The following GRIA3 variants were observed in gnomAD, a reference collection of about 807,000 sequenced individuals.
GRIA3 encodes the protein glutamate ionotropic receptor AMPA type subunit 3, also known as glutamate receptor 3.
GRIA3 carries 3 observed loss-of-function variants against 63.0 expected under a neutral mutation model. That is an observed-to-expected ratio of 0.05 (90% CI 0.02 to 0.12). The LOEUF is 0.12. GRIA3 is among the 10% of genes least tolerant of loss of function. GRIA3 has a pLI of 1.00. For missense variants in GRIA3, 347 were observed against 700.9 expected, an observed-to-expected ratio of 0.50 and a Z score of 5.70; for synonymous variants, 274 against 257.9, an observed-to-expected ratio of 1.06 and a Z score of -0.60.
intron 2 of GRIA3, among the ~76,000 whole-genome samples, chrX:123,195,739 G>A (rs1223957401): frequency 8.9e-6 from 1 of 111,902 alleles, no homozygotes; most frequent in Non-Finnish European, 1.9e-5. Flanking sequence ...TAGGTTACTG[G>A]TTGAGGGAAG....
At chrX:123,228,048 G>T (rs910370005) in intron 2 of GRIA3, among the ~76,000 whole-genome samples, 1 of 112,044 alleles carries the variant, frequency 8.9e-6, no homozygotes, top group African/African-American at 3.2e-5. Context: ...GCAACTCTTA[G>T]GAAAAAATGC....
chrX:123,351,465 G>C (rs2045093669), intron 4 of GRIA3, among the ~76,000 whole-genome samples: 1 of 111,989 alleles, frequency 8.9e-6, no homozygotes, highest in South Asian at 3.8e-4. Flanking sequence ...TTGGGACTTT[G>C]AGCATTTCTT....
intron 4 of GRIA3, among the ~76,000 whole-genome samples, chrX:123,335,523 A>T (rs1471069300): frequency 4.5e-5 from 5 of 111,809 alleles, no homozygotes; most frequent in Admixed American, 1.9e-4. Context: ...CATATAGTAG[A>T]TTGCAATACA....
rs184827257 is a variant in GRIA3 at position 123,443,786 on chromosome X, C to T, written c.2076+15647C>T. ...GCATGGGAAAATAAGAGCCACAGAACCTGGAAAGAAGTAGGGACATAAGCA... is the reference window on the plus strand; with the variant it reads ...GCATGGGAAAATAAGAGCCACAGAATCTGGAAAGAAGTAGGGACATAAGCA... On this transcript the variant is annotated intron_variant, in intron 12 of 15. Transcript: ENST00000620443. 2.2e-4 allele frequency among the ~76,000 whole-genome samples: 25 copies of T among 111,121 alleles called. No individual in the cohort carries two copies. The East Asian group carries it at 7.1e-3, about 32-fold the overall frequency.
chrX:123,429,283 G>C (rs1269966381), intron 12 of GRIA3, among the ~76,000 whole-genome samples: 1 of 112,166 alleles, frequency 8.9e-6, no homozygotes, highest in African/African-American at 3.2e-5. Context: ...CAGTAAACCA[G>C]GAAGAGTACA....
Position 123,417,661 on chromosome X carries a change from A to T in GRIA3, c.1760A>T (p.Asn587Ile). 8 of 1,185,962 alleles carry T rather than the reference A, an allele frequency of 6.7e-6. No individual in the cohort carries two copies. Among genetic ancestry groups the T allele is most frequent in the Non-Finnish European group, 9.1e-6 (8 of 882,576 alleles). ...TATGAATGGCACTTGGAAGACAACAATGAAGAACCTCGTGACCCACAAAGT... is the reference window on the plus strand; with the variant it reads ...TATGAATGGCACTTGGAAGACAACATTGAAGAACCTCGTGACCCACAAAGT... ...SPYEWHLEDNNEEPRDPQSPP... is the reference protein window; with the variant it reads ...SPYEWHLEDNIEEPRDPQSPP... Residue 587 changes from asparagine to isoleucine, a missense_variant, in exon 11 of 16, where the codon AAT (asparagine) becomes ATT (isoleucine). Asn to Ile is a moderately radical substitution (Grantham distance 149, BLOSUM62 -3). Transcript: ENST00000620443.
intron 2 of GRIA3, among the ~76,000 whole-genome samples, chrX:123,225,599 G>C (rs2044242472): frequency 9.1e-6 from 1 of 110,156 alleles, no homozygotes; most frequent in African/African-American, 3.3e-5. Flanking sequence ...TACATGTTTT[G>C]AAGTGTACAT....
At chrX:123,308,143 G>A (rs1760050222) in intron 3 of GRIA3, among the ~76,000 whole-genome samples, 1 of 111,927 alleles carries the variant, frequency 8.9e-6, no homozygotes, top group African/African-American at 3.2e-5. Context: ...ACTGCAGCCT[G>A]GGCCTTTCCT....
intron 12 of GRIA3, among the ~76,000 whole-genome samples, chrX:123,454,186 T>C (rs1037074472): frequency 3.6e-5 from 4 of 110,649 alleles, no homozygotes; most frequent in African/African-American, 1.3e-4. Flanking sequence ...CCCTACCACA[T>C]GGCTTAACCT....
At chrX:123,237,226 C>G (rs1374400767) in intron 2 of GRIA3, among the ~76,000 whole-genome samples, 4 of 111,937 alleles carry the variant, frequency 3.6e-5, no homozygotes, top group African/African-American at 1.3e-4. Context: ...GACCACTAGT[C>G]TAGGGCAGAA....
chrX:123,354,368 G>A (rs1419164003), intron 4 of GRIA3, among the ~76,000 whole-genome samples: 9 of 111,960 alleles, frequency 8.0e-5, no homozygotes, highest in African/African-American at 2.6e-4. Flanking sequence ...ATGTACAAGC[G>A]ATTACAAGTC....
At chrX:123,196,559 T>C (rs1329824914) in intron 2 of GRIA3, among the ~76,000 whole-genome samples, 1 of 112,257 alleles carries the variant, frequency 8.9e-6, no homozygotes, top group Non-Finnish European at 1.9e-5. Context: ...AACATTCTAG[T>C]AGCAGGATTC....
chrX:123,184,831 C>T, intron 1 of GRIA3, 187 bp downstream of exon 1: 1 of 501,944 alleles, frequency 2.0e-6, no homozygotes, highest in Non-Finnish European at 3.6e-6. Flanking sequence ...AACGAGGTGG[C>T]TGGTCTGAAG....
At chrX:123,263,782 T>C (rs1246461147) in intron 3 of GRIA3, among the ~76,000 whole-genome samples, 1 of 112,663 alleles carries the variant, frequency 8.9e-6, no homozygotes, top group East Asian at 2.8e-4. Context: ...CAATTAATAG[T>C]GAGGTCGTTT....
At chrX:123,332,183 T>G (rs1423374735) in intron 4 of GRIA3, among the ~76,000 whole-genome samples, 3 of 109,885 alleles carry the variant, frequency 2.7e-5, no homozygotes, top group Non-Finnish European at 5.7e-5. Context: ...TTTTTTTTCC[T>G]GTGATATAAC....
At chrX:123,452,001 C>T (rs1173996211) in intron 12 of GRIA3, among the ~76,000 whole-genome samples, 1 of 111,675 alleles carries the variant, frequency 9.0e-6, no homozygotes, top group Non-Finnish European at 1.9e-5. Flanking sequence ...ATTGGTTTCA[C>T]AAGGTTGTTT....
At chrX:123,207,534 G>A (rs1197469218) in intron 2 of GRIA3, among the ~76,000 whole-genome samples, 2 of 111,661 alleles carry the variant, frequency 1.8e-5, no homozygotes, top group Non-Finnish European at 3.8e-5. Context: ...TGCTGAAAGG[G>A]CCACGAAATC....
chrX:123,322,024 T>C (rs2044871600), intron 3 of GRIA3, among the ~76,000 whole-genome samples: 1 of 111,276 alleles, frequency 9.0e-6, no homozygotes, highest in African/African-American at 3.3e-5. Context: ...GTCATAACCT[T>C]AAGCTGCAAC....
chrX:123,466,853 A>C (rs1274138249), intron 13 of GRIA3, among the ~76,000 whole-genome samples: 3 of 112,662 alleles, frequency 2.7e-5, no homozygotes, highest in African/African-American at 9.7e-5. Flanking sequence ...TCTTCTTCAG[A>C]GACAATGGTT....
Sources: allele counts gnomAD v4.1 joint callset (sites outside exome capture counted in the v4.1 genomes callset), GRCh38; gene constraint gnomAD v4.1.1; transcripts MANE v1.5; gene names NCBI Gene and HGNC (gene_info 2026-07-23, HGNC 2026-07-21).